The following SLCO3A1 variants were observed in gnomAD, a reference collection of about 807,000 sequenced individuals.
SLCO3A1 encodes solute carrier organic anion transporter family member 3A1.
SLCO3A1 carries 27 observed loss-of-function variants against 63.1 expected under a neutral mutation model. The ratio of observed to expected loss-of-function variants is 0.43; its 90% confidence interval spans 0.32 to 0.59. The LOEUF (loss-of-function observed/expected upper bound fraction) is 0.59. SLCO3A1 is among the 20% of genes least tolerant of loss of function. The pLI is 0.09. For synonymous variants in SLCO3A1, 473 were observed against 409.9 expected (o/e 1.15, Z -1.86); for missense variants, 773 against 945.8 (o/e 0.82, Z 2.40).
chr15:91,979,461 G>T (rs75170280), intron 2 of SLCO3A1, among the ~76,000 whole-genome samples: 1 of 152,196 alleles, frequency 6.6e-6, no homozygotes, highest in African/African-American at 2.4e-5. Context: ...TTGGATTTCA[G>T]ACTGGGGATG....
intron 2 of SLCO3A1, among the ~76,000 whole-genome samples, chr15:92,026,383 G>A (rs1298878393): frequency 6.6e-6 from 1 of 152,254 alleles, no homozygotes; most frequent in Non-Finnish European, 1.5e-5. Flanking sequence ...GGAGACAGAA[G>A]TGACGAGAGC....
intron 2 of SLCO3A1, among the ~76,000 whole-genome samples, chr15:92,076,007 C>G (rs2047272275): frequency 1.3e-5 from 2 of 152,234 alleles, no homozygotes; most frequent in South Asian, 4.1e-4. Context: ...CTGCTAAACT[C>G]TGTCGACTTC....
intron 2 of SLCO3A1, among the ~76,000 whole-genome samples, chr15:92,026,129 C>A (rs2046571309): frequency 6.6e-6 from 1 of 152,138 alleles, no homozygotes; most frequent in Non-Finnish European, 1.5e-5. Flanking sequence ...TGTCCACCAC[C>A]AGTCACCAAG....
chr15:91,963,846 A>ACTCGG, intron 2 of SLCO3A1, among the ~76,000 whole-genome samples: 1 of 152,234 alleles, frequency 6.6e-6, no homozygotes, highest in Admixed American at 6.5e-5. Context: ...GCGAAAGAAC[A>ACTCGG]AAGCTTCCAC....
chr15:92,154,870 T>C lies in SLCO3A1; in HGVS notation c.1753+3856T>C, dbSNP rs138568455. On this transcript the variant is annotated intron_variant, in intron 9 of 9. Coordinates refer to ENST00000318445, the MANE Select transcript of SLCO3A1 (RefSeq NM_013272.4). ...AGAGAGGACAAAGATACAGGAACTG[T>C]AAAAACTAGTTGTAATAAATAATGG... 5.3e-4 allele frequency among the ~76,000 whole-genome samples: 81 copies of C among 152,198 alleles called. 1 individual carries two copies. The Middle Eastern group carries it at 0.01, about 19-fold the overall frequency.
intron 2 of SLCO3A1, among the ~76,000 whole-genome samples, chr15:92,046,296 C>T (rs1019948168): frequency 6.6e-6 from 1 of 151,896 alleles, no homozygotes; most frequent in Non-Finnish European, 1.5e-5. Flanking sequence ...GGATGGGTCA[C>T]TTGAGATCAG....
rs2048479396 is a variant in SLCO3A1, at chr15:92,164,773, G to A, written c.*1638G>A. On this transcript the variant is annotated 3_prime_UTR_variant, in exon 10 of 10. Transcript: ENST00000318445. ...GAGAATGAACCTGTTATGATTTGGG[G>A]TAAGAATCACGTTGGAAAACCTCTC... 1 of 985,286 alleles carries A rather than the reference G, an allele frequency of 1.0e-6. No homozygotes were observed. Among genetic ancestry groups the A allele is most frequent in the Admixed American group, 6.2e-5 (1 of 16,250 alleles). 61.0% of individuals were successfully genotyped at this position (985,286 alleles called of 1,614,324 possible).
chr15:91,904,861 G>C (rs1898255372), intron 1 of SLCO3A1, among the ~76,000 whole-genome samples: 1 of 152,068 alleles, frequency 6.6e-6, no homozygotes, highest in Non-Finnish European at 1.5e-5. Context: ...TCCAAGAGAG[G>C]ATATAATTAG....
intron 1 of SLCO3A1, among the ~76,000 whole-genome samples, chr15:91,913,135 A>C (rs1379875690): frequency 1.3e-5 from 2 of 152,002 alleles, no homozygotes; most frequent in African/African-American, 4.8e-5. Context: ...GAACAGCGGC[A>C]AACACCTGGT....
At chr15:92,148,407 G>A (rs759577560) in intron 8 of SLCO3A1, among the ~76,000 whole-genome samples, 13 of 152,162 alleles carry the variant, frequency 8.5e-5, no homozygotes, top group Non-Finnish European at 1.3e-4. Context: ...GAATTCCCAA[G>A]GAAGAGGATT....
chr15:92,000,689 G>A (rs1192068183), intron 2 of SLCO3A1, among the ~76,000 whole-genome samples: 1 of 152,222 alleles, frequency 6.6e-6, no homozygotes, highest in Non-Finnish European at 1.5e-5. Flanking sequence ...CTTCGTTGAA[G>A]CAACAGCCAT....
intron 2 of SLCO3A1, among the ~76,000 whole-genome samples, chr15:91,958,821 G>A (rs1350270489): frequency 6.6e-6 from 1 of 152,144 alleles, no homozygotes; most frequent in Admixed American, 6.6e-5. Flanking sequence ...ACTGCTAGCG[G>A]GAATGTAAGT....
At chr15:91,981,488 T>A (rs1425520831) in intron 2 of SLCO3A1, among the ~76,000 whole-genome samples, 2 of 152,166 alleles carry the variant, frequency 1.3e-5, no homozygotes, top group Non-Finnish European at 2.9e-5. Flanking sequence ...TCCCACCTCA[T>A]GGCTTTTTCC....
intron 7 of SLCO3A1, among the ~76,000 whole-genome samples, chr15:92,136,968 C>CTTT (rs60449563): frequency 2.1e-5 from 3 of 141,064 alleles, no homozygotes; most frequent in East Asian, 2.1e-4. Flanking sequence ...AGTAGTCTGT[C>CTTT]TTTTTTTTTT....
intron 1 of SLCO3A1, among the ~76,000 whole-genome samples, chr15:91,887,414 T>G (rs1343475767): frequency 6.6e-6 from 1 of 152,110 alleles, no homozygotes; most frequent in Non-Finnish European, 1.5e-5. Flanking sequence ...CCTGCCTGCA[T>G]GAGACATTGC....
chr15:92,148,984 A>T (rs1194852882), intron 8 of SLCO3A1: 1 of 152,234 alleles, frequency 6.6e-6, no homozygotes, highest in African/African-American at 2.4e-5. Flanking sequence ...TGGCTGCCTT[A>T]TGAGTAGTTT....
chr15:92,050,507 G>T (rs2046944215), intron 2 of SLCO3A1, among the ~76,000 whole-genome samples: 2 of 152,180 alleles, frequency 1.3e-5, no homozygotes, highest in African/African-American at 4.8e-5. Context: ...CACTGGTATG[G>T]TCGGAAGTGG....
intron 1 of SLCO3A1, among the ~76,000 whole-genome samples, chr15:91,914,308 A>G (rs1295213394): frequency 6.6e-6 from 1 of 152,114 alleles, no homozygotes; most frequent in African/African-American, 2.4e-5. Context: ...CTTTTCATCC[A>G]TTATTTTTAA....
At chr15:92,078,773 T>C (rs2047308941) in intron 2 of SLCO3A1, among the ~76,000 whole-genome samples, 1 of 151,800 alleles carries the variant, frequency 6.6e-6, no homozygotes, top group African/African-American at 2.4e-5. Context: ...TATCTGCGCA[T>C]AGGGTTGTGG....
Sources: allele counts gnomAD v4.1 joint callset (sites outside exome capture counted in the v4.1 genomes callset), GRCh38; gene constraint gnomAD v4.1.1; transcripts MANE v1.5; gene names NCBI Gene and HGNC (gene_info 2026-07-23, HGNC 2026-07-21).